FNDC3B: variants seen among roughly 807,000 people sequenced by gnomAD.
FNDC3B encodes fibronectin type III domain-containing protein 3B.
FNDC3B carries 12 observed loss-of-function variants against 151.5 expected under a neutral mutation model. The observed-to-expected ratio is 0.08, with a 90% CI of 0.05 to 0.13. The LOEUF is 0.13. Ranked by LOEUF, FNDC3B falls within the 10% of genes least tolerant of loss-of-function variation. The pLI is 1.00. For synonymous variants in FNDC3B, 528 were observed against 549.0 expected (o/e 0.96, Z 0.54); for missense variants, 1,214 against 1,505.3 (o/e 0.81, Z 3.20).
intron 11 of FNDC3B, chr3:172,317,217 T>G: frequency 4.5e-6 from 2 of 441,590 alleles, no homozygotes; most frequent in Non-Finnish European, 9.0e-6. Context: ...AGAGTCTTGC[T>G]CTGTCGCCCA....
chr3:172,168,162 A>C (rs1723102335), intron 3 of FNDC3B, among the ~76,000 whole-genome samples: 1 of 152,188 alleles, frequency 6.6e-6, no homozygotes, highest in South Asian at 2.1e-4. Context: ...CACTTTTCAA[A>C]TTGTTATATT....
At chr3:172,154,763 C>T (rs139667177) in intron 3 of FNDC3B, among the ~76,000 whole-genome samples, 155 of 152,214 alleles carry the variant, frequency 1.0e-3, no homozygotes, top group African/African-American at 3.4e-3. Context: ...GGTAGGGTCA[C>T]GGTGTTAGGT....
chr3:172,314,969 A>G (rs748630753), intron 11 of FNDC3B, among the ~76,000 whole-genome samples: 3 of 152,238 alleles, frequency 2.0e-5, no homozygotes, highest in Non-Finnish European at 4.4e-5. Context: ...TAATAGTTCT[A>G]TACTAGGGTT....
intron 3 of FNDC3B, among the ~76,000 whole-genome samples, chr3:172,140,282 G>A (rs1030238760): frequency 6.6e-6 from 1 of 152,118 alleles, no homozygotes; most frequent in South Asian, 2.1e-4. Flanking sequence ...TTACCTGTGT[G>A]TGTCTGTACT....
intron 1 of FNDC3B, among the ~76,000 whole-genome samples, chr3:172,103,081 T>C (rs1719450481): frequency 6.6e-6 from 1 of 152,172 alleles, no homozygotes; most frequent in Non-Finnish European, 1.5e-5. Flanking sequence ...CTAAGTGTTC[T>C]AATAAAAATG....
Position 172,285,862 on chromosome 3 carries a change from G to A in FNDC3B, c.791-64G>A, listed in dbSNP as rs2108825632. 2.4e-6 allele frequency: 3 copies of A among 1,263,556 alleles called. No homozygotes were observed. The South Asian group carries it at 3.7e-5, about 16-fold the overall frequency. The allele number at this position is 1,263,556 out of a possible 1,614,324, so 78.3% of individuals were successfully genotyped here. On this transcript the variant is annotated intron_variant, in intron 6 of 25. Transcript: ENST00000415807. The stretch of plus-strand genomic sequence containing the variant: ...CTCCAGTTAAAAGGCCTTGGGGAAG[G>A]AACTTGACAACCTTACTGCCTTCTA...
At chr3:172,376,864 AAG>A (rs1491059641) in intron 23 of FNDC3B, among the ~76,000 whole-genome samples, 2 of 83,480 alleles carry the variant, frequency 2.4e-5, no homozygotes, top group African/African-American at 4.6e-5. Flanking sequence ...AAAAAAAAAA[AAG>A]AAAGAAAAGA....
chr3:172,105,067 A>G (rs137916640), intron 1 of FNDC3B, among the ~76,000 whole-genome samples: 2 of 152,220 alleles, frequency 1.3e-5, no homozygotes, highest in African/African-American at 2.4e-5. Flanking sequence ...GTGTGCCCCA[A>G]CTGACTACCT....
intron 3 of FNDC3B, among the ~76,000 whole-genome samples, chr3:172,172,347 GGAACAGCGAAGTAAA>G (rs991346003): frequency 6.6e-6 from 1 of 152,152 alleles, no homozygotes; most frequent in Non-Finnish European, 1.5e-5. Context: ...GATCAAGTAA[GGAACAGCGAAGTAAA>G]GAATATCTAA....
chr3:172,359,489 G>A (rs1734265726), intron 22 of FNDC3B, among the ~76,000 whole-genome samples: 1 of 152,150 alleles, frequency 6.6e-6, no homozygotes, highest in South Asian at 2.1e-4. Flanking sequence ...TTGGACACTG[G>A]AAGGACCTTA....
chr3:172,394,289 GA>G (rs1329348481), intron 25 of FNDC3B, among the ~76,000 whole-genome samples: 1 of 151,580 alleles, frequency 6.6e-6, no homozygotes, highest in Admixed American at 6.6e-5. Flanking sequence ...GAAACAAGAT[GA>G]AAACAGAAAT....
intron 23 of FNDC3B, among the ~76,000 whole-genome samples, chr3:172,371,403 G>A (rs1010205033): frequency 1.3e-5 from 2 of 152,172 alleles, no homozygotes; most frequent in Non-Finnish European, 2.9e-5. Flanking sequence ...GGGATATGGA[G>A]GGCTGACTGT....
At chr3:172,303,634 T>G (rs915141592) in intron 9 of FNDC3B, among the ~76,000 whole-genome samples, 1 of 152,198 alleles carries the variant, frequency 6.6e-6, no homozygotes, top group African/African-American at 2.4e-5. Flanking sequence ...ACTGAACTGT[T>G]TGCTGACTTA....
intron 1 of FNDC3B, among the ~76,000 whole-genome samples, chr3:172,094,730 A>G (rs1424703783): frequency 6.6e-6 from 1 of 151,352 alleles, no homozygotes; most frequent in Non-Finnish European, 1.5e-5. Context: ...AGTGTTGTAG[A>G]ATGACTCCCC....
chr3:172,085,509 C>G (rs2108504105), intron 1 of FNDC3B, among the ~76,000 whole-genome samples: 1 of 152,252 alleles, frequency 6.6e-6, no homozygotes, highest in African/African-American at 2.4e-5. Context: ...TGCTTTTTCC[C>G]ATCTTTTACA....
chr3:172,088,453 T>G (rs1046851847), intron 1 of FNDC3B, among the ~76,000 whole-genome samples: 1 of 152,230 alleles, frequency 6.6e-6, no homozygotes, highest in African/African-American at 2.4e-5. Flanking sequence ...TCTCTCGTGC[T>G]AGAATGAATC....
intron 5 of FNDC3B, 49 bp downstream of exon 5, chr3:172,247,825 G>C: frequency 1.3e-6 from 2 of 1,595,464 alleles, no homozygotes; most frequent in Non-Finnish European, 1.7e-6. Flanking sequence ...TGATTACAGC[G>C]TTTCAATAGT....
chr3:172,254,156 G>A (rs1728220191), intron 6 of FNDC3B, among the ~76,000 whole-genome samples: 1 of 152,128 alleles, frequency 6.6e-6, no homozygotes, highest in Non-Finnish European at 1.5e-5. Flanking sequence ...TGGTCCTGTG[G>A]TAAAACTAAG....
chr3:172,309,450 G>C (rs73033125), intron 10 of FNDC3B, among the ~76,000 whole-genome samples: 1 of 151,166 alleles, frequency 6.6e-6, no homozygotes, highest in Admixed American at 6.6e-5. Context: ...GTTTTTTTTT[G>C]AGTTCTCATC....
Sources: allele counts gnomAD v4.1 joint callset (sites outside exome capture counted in the v4.1 genomes callset), GRCh38; gene constraint gnomAD v4.1.1; transcripts MANE v1.5; gene names NCBI Gene and HGNC (gene_info 2026-07-23, HGNC 2026-07-21).